The following POLD2 variants were observed in gnomAD, a reference collection of about 807,000 sequenced individuals.
POLD2 encodes DNA polymerase delta 2, accessory subunit.
POLD2 carries 31 observed loss-of-function variants against 48.8 expected under a neutral mutation model. The observed-to-expected ratio is 0.64, with a 90% confidence interval of 0.48 to 0.86. The LOEUF (loss-of-function observed/expected upper bound fraction) is 0.86. Among genes scored for constraint, POLD2 ranks in the 40% least tolerant of loss-of-function variants. The probability of loss-of-function intolerance (pLI) is 0.00; values close to 1 mark genes in which losing one functional copy is unlikely to be tolerated. For missense variants in POLD2, 455 were observed against 610.1 expected, an observed-to-expected ratio of 0.75 and a Z score of 2.68; for synonymous variants, 233 against 256.3, an observed-to-expected ratio of 0.91 and a Z score of 0.87.
Position 44,116,384 on chromosome 7 carries a change from T to G in POLD2, c.861+46A>C. The G allele has an allele frequency of 6.3e-7, 1 of 1,581,874 alleles. No homozygotes were observed. The highest frequency in any genetic ancestry group is 8.6e-7 in the Non-Finnish European group (1 of 1,161,810). On this transcript the variant is annotated intron_variant, in intron 7 of 10. Transcript: ENST00000610533. This position sits in a 1 kb window ranked among gnomAD's most constrained non-coding sequence, Gnocchi z 6.1. The stretch of plus-strand genomic sequence containing the variant: ...GCCTTCTGTTGCCCAGTGGCAGCTT[T>G]GAAGACTGCAATCCCCATCACCCCT...
intron 4 of POLD2, 26 bp downstream of exon 4, chr7:44,117,593 C>T: frequency 1.3e-6 from 2 of 1,590,572 alleles, no homozygotes; most frequent in Non-Finnish European, 1.7e-6. Flanking sequence ...CCTGCATCAC[C>T]CACATCCTCT....
In POLD2 at chr7:44,116,400, C is replaced by T. The variant is rs773132253; in HGVS notation, c.861+30G>A. ...TGGCAGCTTTGAAGACTGCAATCCCCATCACCCCTCCAGCCCCCAGCTCGC... is the reference window on the plus strand; with the variant it reads ...TGGCAGCTTTGAAGACTGCAATCCCTATCACCCCTCCAGCCCCCAGCTCGC... On this transcript the variant is annotated intron_variant, in intron 7 of 10. Transcript: ENST00000610533. The surrounding 1 kb of genome is among the most constrained non-coding windows in gnomAD (Gnocchi z 6.1). The T allele has an allele frequency of 1.3e-5, 21 of 1,574,660 alleles. No individual in the cohort carries two copies. Among genetic ancestry groups the T allele is most frequent in the Non-Finnish European group, 1.7e-5 (20 of 1,158,684 alleles).
chr7:44,123,414 A>G (rs957436936), intron 1 of POLD2, 97 bp downstream of exon 1: 1 of 1,456,630 alleles, frequency 6.9e-7, no homozygotes, highest in Admixed American at 2.5e-5. Context: ...CAGCTGCGGG[A>G]CGTCCGCCAA....
At chr7:44,120,344 G>T (rs974122925) in intron 2 of POLD2, among the ~76,000 whole-genome samples, 1 of 152,186 alleles carries the variant, frequency 6.6e-6, no homozygotes, top group Non-Finnish European at 1.5e-5. Flanking sequence ...GAATCTAGAA[G>T]GTGGCATTGA....
chr7:44,117,525 C>A (rs924033953), intron 4 of POLD2, 94 bp downstream of exon 4: 3 of 1,469,022 alleles, frequency 2.0e-6, no homozygotes, highest in Non-Finnish European at 2.8e-6. Context: ...CACACCCCCC[C>A]ACTCCCCCCA....
chr7:44,123,879 C>T (rs372804662), upstream of POLD2, among the ~76,000 whole-genome samples: 1 of 152,232 alleles, frequency 6.6e-6, no homozygotes, highest in East Asian at 1.9e-4. Context: ...GTCGTCACCC[C>T]GCCAGACCTC....
intron 1 of POLD2, chr7:44,123,248 G>A (rs935744795): frequency 7.4e-7 from 1 of 1,349,348 alleles, no homozygotes; most frequent in Non-Finnish European, 9.5e-7. Context: ...TGGGACACAG[G>A]CTCCGCACAC....
Position 44,116,162 on chromosome 7 carries a change from C to T in POLD2, c.972G>A (p.Thr324=), listed in dbSNP as rs757435023. The T allele has an allele frequency of 1.4e-5, 22 of 1,613,576 alleles. No homozygotes were observed. In the Admixed American group the frequency reaches 1.7e-4, roughly 12 times the overall value. ...CMFPLATAYS[T]LQLVTNPYQA... The stretch of plus-strand genomic sequence containing the variant: ...GGTAGGGGTTGGTGACCAGCTGGAG[C>T]GTGGAGTAGGCAGTGGCCAGCGGGA... Residue 324 remains threonine, a synonymous_variant, in exon 8 of 11, where the codon ACG becomes ACA. Transcript: ENST00000610533. The surrounding 1 kb of genome is among the most constrained non-coding windows in gnomAD (Gnocchi z 6.1).
Position 44,114,893 on chromosome 7 carries a change from C to A in POLD2, c.1302G>T (p.Thr434=), listed in dbSNP as rs3087368. 1 of 1,613,630 alleles carries A rather than the reference C, an allele frequency of 6.2e-7. No individual in the cohort carries two copies. Among genetic ancestry groups the A allele is most frequent in the Non-Finnish European group, 8.5e-7 (1 of 1,179,714 alleles). ...LLVTVPDFSA[T]QTACLVNLRS... ...GCAGGTTCACAAGGCAGGCGGTCTG[C>A]GTGGCACTGAAGTCAGGGACAGTCA... is the stretch of plus-strand genomic sequence containing the variant. The change falls in exon 11 of 11, where the codon ACG becomes ACT. Residue 434 remains threonine, a synonymous_variant. Transcript: ENST00000610533.
In POLD2 at chr7:44,123,505, A is replaced by G; in HGVS notation, c.-57+6T>C. ...AGCTGACCCCGTTTCCCTGGACCCC[A>G]CTCACCGCGCGGCGCGCCGCATCCC... On this transcript the variant is annotated splice_donor_region_variant and intron_variant, in intron 1 of 10. Transcript: ENST00000610533. The G allele has an allele frequency of 6.7e-7, 1 of 1,483,790 alleles. No individual in the cohort carries two copies. Among genetic ancestry groups the G allele is most frequent in the Non-Finnish European group, 8.9e-7 (1 of 1,125,196 alleles). 91.9% of individuals were successfully genotyped at this position (1,483,790 alleles called of 1,614,324 possible).
In POLD2 at chr7:44,116,628, C is replaced by T. The variant is rs1361314781; in HGVS notation, c.781-118G>A. Reference sequence around the variant, plus strand: ...CCCATAGACCCTCACTCCCTTCAAGCCTCCCACCATCCTCAGCGAGGGCCT... The same window carrying T: ...CCCATAGACCCTCACTCCCTTCAAGTCTCCCACCATCCTCAGCGAGGGCCT... On this transcript the variant is annotated intron_variant, in intron 6 of 10. Transcript: ENST00000610533. This position sits in a 1 kb window ranked among gnomAD's most constrained non-coding sequence, Gnocchi z 6.1. 7 of 1,019,312 alleles carry T rather than the reference C, an allele frequency of 6.9e-6. No homozygotes were observed. The highest frequency in any genetic ancestry group is 1.0e-5 in the Non-Finnish European group (7 of 679,200). The allele number at this position is 1,019,312 out of a possible 1,614,324, so 63.1% of individuals were successfully genotyped here. A position where few individuals can be genotyped will look rare whatever the true frequency, so the allele number is the denominator to read the frequency against.
In POLD2 at chr7:44,115,912, C is replaced by T; in HGVS notation, c.1020-19G>A. On this transcript the variant is annotated intron_variant, in intron 8 of 10. Transcript: ENST00000610533. Reference sequence around the variant, plus strand: ...CAAAAATCTGCAAGGCAAAGCTCAGCTGACTCTTGGCTTTGGGTGCCACCC... The same window carrying T: ...CAAAAATCTGCAAGGCAAAGCTCAGTTGACTCTTGGCTTTGGGTGCCACCC... 6.2e-7 allele frequency: 1 copy of T among 1,614,162 alleles called. No individual in the cohort carries two copies. The highest frequency in any genetic ancestry group is 2.2e-5 in the East Asian group (1 of 44,886).
rs751003958 is a variant in POLD2 at position 44,114,830 on chromosome 7, G to A, written c.1365C>T (p.Phe455=). 30 of 1,613,788 alleles carry A rather than the reference G, an allele frequency of 1.9e-5. No homozygotes were observed. Among genetic ancestry groups the A allele is most frequent in the South Asian group, 1.6e-4 (15 of 91,066 alleles). ...CTCCCAGGTCATCGTCCTCTGCCCC[G>A]AAGCCCGAGAAGCTGATGGGCTGGC... ...LACQPISFSG[F]GAEDDDLGGL... Residue 455 remains phenylalanine (F), a synonymous_variant, in exon 11 of 11, where the codon TTC becomes TTT. Coordinates refer to ENST00000610533, the MANE Select transcript of POLD2 (RefSeq NM_006230.4).
Position 44,114,960 on chromosome 7 carries a change from C to A in POLD2, c.1250-15G>T, listed in dbSNP as rs771968838. 6.3e-7 allele frequency: 1 copy of A among 1,591,974 alleles called. No homozygotes were observed. The highest frequency in any genetic ancestry group is 1.7e-5 in the Admixed American group (1 of 58,374). Reference sequence around the variant, plus strand: ...GTCCTCAGGACCTGCAAAGAAGTCACATAGGACCCACTGTAGGTTCCAAGT... The same window carrying A: ...GTCCTCAGGACCTGCAAAGAAGTCAAATAGGACCCACTGTAGGTTCCAAGT... On this transcript the variant is annotated splice_polypyrimidine_tract_variant and intron_variant, in intron 10 of 10. Coordinates refer to ENST00000610533, the MANE Select transcript of POLD2 (RefSeq NM_006230.4).
upstream of POLD2, chr7:44,123,638 C>A (rs1356534571): frequency 8.7e-6 from 12 of 1,386,552 alleles, no homozygotes; most frequent in East Asian, 3.7e-4. Context: ...TCGCCCCGTC[C>A]GTCACCAGGC....
intron 1 of POLD2, chr7:44,122,564 A>C (rs1185495426): frequency 3.6e-6 from 2 of 548,174 alleles, no homozygotes; most frequent in Non-Finnish European, 4.7e-6. Flanking sequence ...CCAAAACATA[A>C]ATCAGTCACT....
At position 44,122,004 on chromosome 7, in the gene POLD2, G is replaced by T; in HGVS notation, c.50C>A (p.Pro17Gln). 2 of 1,613,748 alleles carry T rather than the reference G, an allele frequency of 1.2e-6. No individual in the cohort carries two copies. Among genetic ancestry groups the T allele is most frequent in the Non-Finnish European group, 1.7e-6 (2 of 1,180,034 alleles). ...AQRAHTLLSP[P>Q]SANNATFARV... ...GGCAAAGGTGGCATTGTTGGCTGATGGTGGGGACAGTAGAGTGTGGGCCCT... is the reference window on the plus strand; with the variant it reads ...GGCAAAGGTGGCATTGTTGGCTGATTGTGGGGACAGTAGAGTGTGGGCCCT... Residue 17 changes from proline (P) to glutamine (Q), a missense_variant, in exon 2 of 11, where the codon CCA becomes CAA. Transcript: ENST00000610533.
chr7:44,115,629 C>A, intron 9 of POLD2, 137 bp downstream of exon 9: 1 of 1,020,286 alleles, frequency 9.8e-7, no homozygotes, highest in Non-Finnish European at 1.4e-6. Context: ...AGAGCAGGTG[C>A]CAAGCCTCTG....
chr7:44,116,318 C>A lies in POLD2; in HGVS notation c.862-46G>T. ...AGAGCTCACAGGGCCCCGAAGGAGC[C>A]CCCTACACCAACTCCGGCCACTCCC... On this transcript the variant is annotated intron_variant, in intron 7 of 10. Transcript: ENST00000610533. The surrounding 1 kb of genome is among the most constrained non-coding windows in gnomAD (Gnocchi z 6.1). The A allele has an allele frequency of 2.5e-6, 4 of 1,598,254 alleles. No individual in the cohort carries two copies. The highest frequency in any genetic ancestry group is 3.4e-6 in the Non-Finnish European group (4 of 1,170,790).
Sources: gnomAD v4.1 joint callset for allele counts (sites outside exome capture counted in the v4.1 genomes callset) on GRCh38, gnomAD v4.1.1 for gene constraint, Gnocchi (gnomAD v3.1) non-coding constraint, MANE v1.5 for transcripts, NCBI Gene and HGNC (gene_info 2026-07-23, HGNC 2026-07-21) for gene names.